GPC5: variants seen among roughly 807,000 people sequenced by gnomAD.
GPC5 encodes the protein glypican 5.
In GPC5, 47 loss-of-function variants were observed where a neutral mutation model predicts 53.9. The observed-to-expected ratio is 0.87, with a 90% CI of 0.69 to 1.11. The LOEUF (loss-of-function observed/expected upper bound fraction) is 1.11. Ranked by LOEUF, GPC5 falls within the 50% of genes most tolerant of loss-of-function variation. The pLI is 0.00. For synonymous variants in GPC5, 286 were observed against 263.3 expected (o/e 1.09, Z -0.84); for missense variants, 748 against 713.1 (o/e 1.05, Z -0.56).
At chr13:92,193,810 A>G (rs967348226) in intron 7 of GPC5, among the ~76,000 whole-genome samples, 1 of 152,164 alleles carries the variant, frequency 6.6e-6, no homozygotes, top group Admixed American at 6.5e-5. Context: ...AGAGGCTTTT[A>G]TTGGCCAAGA....
chr13:91,822,763 G>T (rs947478031), intron 5 of GPC5, among the ~76,000 whole-genome samples: 1 of 152,038 alleles, frequency 6.6e-6, no homozygotes, highest in Non-Finnish European at 1.5e-5. Context: ...GGAAAAGTTT[G>T]CTGTTGAAGG....
intron 6 of GPC5, among the ~76,000 whole-genome samples, chr13:92,060,732 T>C (rs1413368093): frequency 6.6e-6 from 1 of 151,982 alleles, no homozygotes; most frequent in Non-Finnish European, 1.5e-5. Context: ...AGGTGAAGTG[T>C]AATTACATAC....
chr13:92,402,565 A>G (rs1856906309), intron 7 of GPC5, among the ~76,000 whole-genome samples: 1 of 151,998 alleles, frequency 6.6e-6, no homozygotes, highest in Non-Finnish European at 1.5e-5. Context: ...GTGTTGGGGG[A>G]TGGTTTCAGG....
chr13:92,809,582 C>T (rs1158217476), intron 7 of GPC5, among the ~76,000 whole-genome samples: 1 of 152,150 alleles, frequency 6.6e-6, no homozygotes, highest in African/African-American at 2.4e-5. Flanking sequence ...GGCCATGTTC[C>T]ACGTACATTC....
intron 7 of GPC5, among the ~76,000 whole-genome samples, chr13:92,264,874 CTCTCTGTGTGTGTGTGTG>C (rs71120084): frequency 0.015 from 1,772 of 116,544 alleles, 33 homozygotes; most frequent in Middle Eastern, 0.054. Flanking sequence ...CTCTCTCTCT[CTCTCTGTGTGTGTGTGTG>C]TGTGTGTGTG....
Position 92,179,266 on chromosome 13 carries a change from A to T in GPC5, c.1561+34277A>T, listed in dbSNP as rs377041708. On this transcript the variant is annotated intron_variant, in intron 7 of 7. Coordinates refer to ENST00000377067, the MANE Select transcript of GPC5 (RefSeq NM_004466.6). ...ATTTTCAATTAAAAGGAAAAAAATA[A>T]AGGATAATATCCTGGTTTATAATCT... Among the ~76,000 whole-genome samples the T allele has an allele frequency of 1.5e-4, 23 of 152,342 alleles. No individual in the cohort carries two copies. In the East Asian group the frequency reaches 3.5e-3, roughly 23 times the overall value.
At chr13:92,713,608 C>A (rs1342574494) in intron 7 of GPC5, among the ~76,000 whole-genome samples, 182 of 113,874 alleles carry the variant, frequency 1.6e-3, no homozygotes, top group South Asian at 2.1e-3. Flanking sequence ...ACTCCAATCT[C>A]AAAAAAAAAA....
intron 2 of GPC5, among the ~76,000 whole-genome samples, chr13:91,527,523 A>G (rs1886143348): frequency 1.3e-5 from 2 of 152,204 alleles, no homozygotes; most frequent in East Asian, 1.9e-4. Flanking sequence ...TTGAGTGCCT[A>G]TGACTTTTCC....
intron 7 of GPC5, among the ~76,000 whole-genome samples, chr13:92,723,579 G>A (rs1888560149): frequency 1.3e-5 from 2 of 151,642 alleles, no homozygotes; most frequent in African/African-American, 4.8e-5. Flanking sequence ...TGGGAAAGGG[G>A]CTTTGGAGAA....
intron 7 of GPC5, among the ~76,000 whole-genome samples, chr13:92,414,504 C>CA (rs368737499): frequency 0.031 from 3,687 of 120,310 alleles, 60 homozygotes; most frequent in Non-Finnish European, 0.043. Context: ...GACTCTGTCT[C>CA]AAAAAAAAAA....
At chr13:92,030,680 T>C (rs1214549538) in intron 6 of GPC5, among the ~76,000 whole-genome samples, 1 of 152,186 alleles carries the variant, frequency 6.6e-6, no homozygotes, top group African/African-American at 2.4e-5. Flanking sequence ...AGCATTCATA[T>C]TGAGACAGCC....
intron 2 of GPC5, among the ~76,000 whole-genome samples, chr13:91,511,975 A>G (rs1013504846): frequency 3.3e-4 from 50 of 152,298 alleles, no homozygotes; most frequent in African/African-American, 1.1e-3. Context: ...CCCACAAAGG[A>G]GAATATCCCT....
At chr13:92,607,972 T>C (rs778920500) in intron 7 of GPC5, among the ~76,000 whole-genome samples, 11 of 152,236 alleles carry the variant, frequency 7.2e-5, no homozygotes, top group Non-Finnish European at 1.5e-4. Flanking sequence ...CCTTTATAAC[T>C]ATCTACTTCC....
intron 7 of GPC5, chr13:92,239,914 A>G (rs996828410): frequency 2.0e-5 from 3 of 152,142 alleles, no homozygotes; most frequent in African/African-American, 7.2e-5. Context: ...AATGTCCCTG[A>G]TATTTCTTTA....
intron 7 of GPC5, among the ~76,000 whole-genome samples, chr13:92,414,355 A>G (rs1419421868): frequency 6.6e-6 from 1 of 152,000 alleles, no homozygotes; most frequent in Non-Finnish European, 1.5e-5. Context: ...AAATAAAAAA[A>G]TTAGCTGGGC....
At chr13:92,688,351 G>A (rs375057199) in intron 7 of GPC5, among the ~76,000 whole-genome samples, 2 of 71,040 alleles carry the variant, frequency 2.8e-5, no homozygotes, top group African/African-American at 6.6e-5. Context: ...GTTTATTTGC[G>A]TAGAGGTGTT....
At chr13:92,280,335 C>G (rs928351383) in intron 7 of GPC5, among the ~76,000 whole-genome samples, 2 of 152,022 alleles carry the variant, frequency 1.3e-5, no homozygotes, top group African/African-American at 4.8e-5. Flanking sequence ...CTCTATTTTT[C>G]TACTTTATCT....
chr13:91,990,012 A>G (rs1328714159), intron 6 of GPC5, among the ~76,000 whole-genome samples: 1 of 152,202 alleles, frequency 6.6e-6, no homozygotes, highest in Non-Finnish European at 1.5e-5. Flanking sequence ...TCATAACTAT[A>G]GTAATTTTAA....
chr13:91,970,150 C>T (rs754301125), intron 6 of GPC5, among the ~76,000 whole-genome samples: 9 of 152,150 alleles, frequency 5.9e-5, no homozygotes, highest in Non-Finnish European at 1.3e-4. Context: ...GGGTATTTTG[C>T]CAACTGAAAT....
Sources: gnomAD v4.1 joint callset for allele counts (sites outside exome capture counted in the v4.1 genomes callset) on GRCh38, gnomAD v4.1.1 for gene constraint, MANE v1.5 for transcripts, NCBI Gene and HGNC (gene_info 2026-07-23, HGNC 2026-07-21) for gene names.